Variants in HYCC2 observed in about 807,000 individuals in gnomAD.
The protein encoded by HYCC2 is hyccin PI4KA lipid kinase complex subunit 2.
chr2:201,011,322 T>A, the HYCC2 span: 2 of 893,828 alleles, frequency 2.2e-6, no homozygotes, highest in Non-Finnish European at 3.4e-6. Flanking sequence ...TTATCTCTGA[T>A]AAGAAACTGA....
chr2:201,024,555 A>G, the HYCC2 span, among the ~76,000 whole-genome samples: 5 of 152,168 alleles, frequency 3.3e-5, no homozygotes, highest in Admixed American at 2.6e-4. Flanking sequence ...TAATGCTTTC[A>G]TATTTTCTCC....
chr2:200,992,299 A>T, the HYCC2 span: 1 of 1,608,764 alleles, frequency 6.2e-7, no homozygotes, highest in Non-Finnish European at 8.5e-7. Flanking sequence ...GTTGAGAAAA[A>T]AGCTCTAGCT....
the HYCC2 span, among the ~76,000 whole-genome samples, chr2:200,998,661 T>C: frequency 6.6e-6 from 1 of 152,230 alleles, no homozygotes; most frequent in Non-Finnish European, 1.5e-5. Context: ...TCTAAGAAAG[T>C]GGCTCCTAAA....
At chr2:201,063,791 G>C in the HYCC2 span, 1 of 1,591,226 alleles carries the variant, frequency 6.3e-7, no homozygotes, top group Non-Finnish European at 8.5e-7. Flanking sequence ...CCGTGGTGGT[G>C]GTGGATATGA....
chr2:200,991,751 T>TC, the HYCC2 span, among the ~76,000 whole-genome samples: 1 of 119,064 alleles, frequency 8.4e-6, no homozygotes, highest in Non-Finnish European at 1.7e-5. Context: ...AAAATAAAAA[T>TC]AAAAAATTTA....
chr2:201,028,032 T>C, the HYCC2 span, among the ~76,000 whole-genome samples: 1 of 152,204 alleles, frequency 6.6e-6, no homozygotes, highest in Non-Finnish European at 1.5e-5. Context: ...TTGTCCCTCT[T>C]TGCAGATGAC....
At chr2:201,048,034 G>A in the HYCC2 span, among the ~76,000 whole-genome samples, 13 of 152,022 alleles carry the variant, frequency 8.6e-5, no homozygotes, top group African/African-American at 2.4e-4. Context: ...TCAGTTCTGG[G>A]GCATAAAAAA....
chr2:201,020,255 A>G, the HYCC2 span, among the ~76,000 whole-genome samples: 1 of 152,192 alleles, frequency 6.6e-6, no homozygotes, highest in Non-Finnish European at 1.5e-5. Context: ...AGAAAAAATC[A>G]TAACTGACAC....
chr2:201,024,063 T>C, the HYCC2 span: 3 of 1,360,412 alleles, frequency 2.2e-6, no homozygotes, highest in African/African-American at 1.4e-5. Context: ...GTATTGAAGC[T>C]GAGGACAGTA....
At chr2:200,991,716 CAG>C in the HYCC2 span, among the ~76,000 whole-genome samples, 1 of 151,628 alleles carries the variant, frequency 6.6e-6, no homozygotes, top group East Asian at 1.9e-4. Context: ...GTCTGGGTGG[CAG>C]AGAGAGACTT....
At chr2:201,066,136 C>A in the HYCC2 span, among the ~76,000 whole-genome samples, 1 of 151,556 alleles carries the variant, frequency 6.6e-6, no homozygotes, top group African/African-American at 2.4e-5. Context: ...GGAGTGCACA[C>A]AATCTTGGCT....
the HYCC2 span, among the ~76,000 whole-genome samples, chr2:201,070,738 G>T: frequency 3.9e-5 from 6 of 152,190 alleles, no homozygotes; most frequent in African/African-American, 1.2e-4. Context: ...ATCCTGGGGG[G>T]AGGAAGGGAT....
chr2:200,988,438 A>C, the HYCC2 span: 2 of 1,583,202 alleles, frequency 1.3e-6, no homozygotes, highest in Middle Eastern at 1.7e-4. Context: ...TGATAATATA[A>C]GTCTATACAA....
the HYCC2 span, chr2:201,022,773 T>G: frequency 9.6e-7 from 1 of 1,041,976 alleles, no homozygotes; most frequent in African/African-American, 1.7e-5. Context: ...AATTTATGTG[T>G]TTTGGTATAC....
the HYCC2 span, among the ~76,000 whole-genome samples, chr2:201,033,159 A>G: frequency 0.12 from 13,990 of 116,864 alleles, 949 homozygotes; most frequent in African/African-American, 0.21. Context: ...ATGTGTGTGT[A>G]TGTGTGTGTG....
chr2:201,053,977 C>T, the HYCC2 span, among the ~76,000 whole-genome samples: 1 of 152,040 alleles, frequency 6.6e-6, no homozygotes, highest in South Asian at 2.1e-4. Flanking sequence ...AACAAACAAA[C>T]AAACCTTACC....
At chr2:201,022,985 C>G in the HYCC2 span, 6 of 1,161,474 alleles carry the variant, frequency 5.2e-6, no homozygotes, top group Non-Finnish European at 7.7e-6. Context: ...AAGCAAGGAA[C>G]TTTATTTTAC....
At chr2:200,981,147 C>T in the HYCC2 span, 11 of 1,192,184 alleles carry the variant, frequency 9.2e-6, no homozygotes, top group Middle Eastern at 2.5e-4. The surrounding 1 kb of genome is among the most constrained non-coding windows in gnomAD (Gnocchi z 4.5). Flanking sequence ...TATGAAGATA[C>T]CTAAACTAAA....
At chr2:201,036,055 G>C in the HYCC2 span, among the ~76,000 whole-genome samples, 1 of 152,036 alleles carries the variant, frequency 6.6e-6, no homozygotes, top group Non-Finnish European at 1.5e-5. Flanking sequence ...AAATGATAAA[G>C]GGGATATCAC....
Sources: gnomAD v4.1 joint callset for allele counts (sites outside exome capture counted in the v4.1 genomes callset) on GRCh38, gnomAD v4.1.1 for gene constraint, Gnocchi (gnomAD v3.1) non-coding constraint, MANE v1.5 for transcripts, NCBI Gene and HGNC (gene_info 2026-07-23, HGNC 2026-07-21) for gene names.